The following ANAPC10 variants were observed in gnomAD, a reference collection of about 807,000 sequenced individuals.
The protein encoded by ANAPC10 is anaphase-promoting complex subunit 10.
A neutral mutation model predicts 22.0 loss-of-function variants in ANAPC10; 12 were observed. The ratio of observed to expected loss-of-function variants is 0.55; its 90% CI spans 0.35 to 0.88. ANAPC10 has a LOEUF of 0.88. ANAPC10 is among the 40% of genes least tolerant of loss of function. The pLI is 0.01. For synonymous variants in ANAPC10, 65 were observed against 69.5 expected (o/e 0.94, Z 0.32); for missense variants, 188 against 220.9 (o/e 0.85, Z 0.94).
intron 4 of ANAPC10, among the ~76,000 whole-genome samples, chr4:145,054,004 G>C (rs908472545): frequency 6.6e-6 from 1 of 151,584 alleles, no homozygotes; most frequent in Non-Finnish European, 1.5e-5. Context: ...TGCCTCCCAG[G>C]TTCAAGCGAT....
intron 4 of ANAPC10, among the ~76,000 whole-genome samples, chr4:145,014,761 A>C (rs1734847532): frequency 6.6e-6 from 1 of 152,070 alleles, no homozygotes; most frequent in South Asian, 2.1e-4. Flanking sequence ...ACATCACAGG[A>C]CTCTGTGCAG....
intron 4 of ANAPC10, among the ~76,000 whole-genome samples, chr4:145,051,897 C>CT (rs1243866932): frequency 6.6e-6 from 1 of 152,062 alleles, no homozygotes; most frequent in African/African-American, 2.4e-5. Context: ...CGCAGAGTAC[C>CT]TTTTAGTCAA....
intron 3 of ANAPC10, among the ~76,000 whole-genome samples, chr4:145,072,511 G>T (rs34136811): frequency 6.6e-6 from 1 of 152,026 alleles, no homozygotes; most frequent in Non-Finnish European, 1.5e-5. Flanking sequence ...ATAATTTTTT[G>T]AATACAGGAA....
chr4:145,088,717 A>G (rs2126636670), intron 2 of ANAPC10, among the ~76,000 whole-genome samples: 1 of 152,320 alleles, frequency 6.6e-6, no homozygotes, highest in East Asian at 1.9e-4. Flanking sequence ...CATTATCCAC[A>G]GTGGACACAG....
intron 4 of ANAPC10, among the ~76,000 whole-genome samples, chr4:145,043,817 CTAAAA>C (rs1198203041): frequency 6.6e-6 from 1 of 152,026 alleles, no homozygotes; most frequent in Non-Finnish European, 1.5e-5. Flanking sequence ...TCCATATTAC[CTAAAA>C]TGTTTCCAGA....
chr4:145,073,404 G>A (rs914235157), intron 3 of ANAPC10, among the ~76,000 whole-genome samples: 1 of 152,118 alleles, frequency 6.6e-6, no homozygotes, highest in Non-Finnish European at 1.5e-5. Flanking sequence ...AATCCAAAGA[G>A]ATGATTAAGC....
chr4:145,079,248 T>C (rs1388486956), intron 3 of ANAPC10, among the ~76,000 whole-genome samples: 2 of 152,056 alleles, frequency 1.3e-5, no homozygotes, highest in Non-Finnish European at 2.9e-5. Context: ...AAAGTAGACA[T>C]ACAGCCAACA....
chr4:145,040,100 A>G (rs1739274060), intron 4 of ANAPC10, among the ~76,000 whole-genome samples: 1 of 148,796 alleles, frequency 6.7e-6, no homozygotes, highest in Non-Finnish European at 1.5e-5. Context: ...AAAGCAAACT[A>G]TTGTATGCTT....
intron 3 of ANAPC10, among the ~76,000 whole-genome samples, chr4:145,067,589 A>T (rs1351017932): frequency 6.6e-6 from 1 of 152,194 alleles, no homozygotes; most frequent in Non-Finnish European, 1.5e-5. Context: ...AAGGTTCAAT[A>T]TTAGGAAACA....
chr4:145,002,570 C>T (rs891429291), intron 4 of ANAPC10, among the ~76,000 whole-genome samples: 18 of 151,998 alleles, frequency 1.2e-4, no homozygotes, highest in East Asian at 7.7e-4. Flanking sequence ...TTAAAAAAGA[C>T]GCATAACAAA....
intron 4 of ANAPC10, among the ~76,000 whole-genome samples, chr4:145,042,204 G>A (rs1579010145): frequency 6.6e-6 from 1 of 152,172 alleles, no homozygotes; most frequent in Middle Eastern, 3.4e-3. Context: ...AGTAGCATAA[G>A]AGTAAAAATA....
At position 145,085,642 on chromosome 4, in the gene ANAPC10, A is replaced by G. The variant is rs1282453230; in HGVS notation, c.116-3892T>C. 3.3e-5 allele frequency among the ~76,000 whole-genome samples: 5 copies of G among 152,286 alleles called. No homozygotes were observed. The East Asian group carries it at 9.6e-4, about 29-fold the overall frequency. On this transcript the variant is annotated intron_variant, in intron 2 of 4. Transcript: ENST00000507656. ...ACTGATCATTTAAAATTTGTCTCTAATTTATTGCTTAGAAAGTATCATAGT... is the reference window on the plus strand; with the variant it reads ...ACTGATCATTTAAAATTTGTCTCTAGTTTATTGCTTAGAAAGTATCATAGT...
intron 4 of ANAPC10, among the ~76,000 whole-genome samples, chr4:145,050,101 C>T (rs1740876991): frequency 6.6e-6 from 1 of 152,206 alleles, no homozygotes; most frequent in Non-Finnish European, 1.5e-5. Flanking sequence ...TCCATCAGAT[C>T]ATTTGCCACT....
intron 3 of ANAPC10, among the ~76,000 whole-genome samples, chr4:145,065,648 TAGAGAATTGGTTAAATAAATTACAA>T (rs1228499031): frequency 6.6e-6 from 1 of 151,916 alleles, no homozygotes; most frequent in African/African-American, 2.4e-5. Flanking sequence ...TCCATGACAA[TAGAGAATTGGTTAAATAAATTACAA>T]TATAGCCATT....
chr4:145,094,533 G>T (rs948289321), intron 2 of ANAPC10, among the ~76,000 whole-genome samples: 3 of 152,210 alleles, frequency 2.0e-5, no homozygotes, highest in Admixed American at 6.5e-5. Context: ...ATCTTGAGGG[G>T]AAACAGAAGA....
At chr4:145,012,467 C>T (rs990332218) in intron 4 of ANAPC10, among the ~76,000 whole-genome samples, 3 of 151,864 alleles carry the variant, frequency 2.0e-5, no homozygotes, top group African/African-American at 4.8e-5. Flanking sequence ...AATTAGAATA[C>T]ACTTTTAATA....
At chr4:145,019,104 C>T (rs868833966) in intron 4 of ANAPC10, among the ~76,000 whole-genome samples, 1 of 152,268 alleles carries the variant, frequency 6.6e-6, no homozygotes, top group Middle Eastern at 3.4e-3. Flanking sequence ...ATGGACTTAA[C>T]AGCTATATAC....
intron 4 of ANAPC10, among the ~76,000 whole-genome samples, chr4:145,020,640 T>C (rs563579619): frequency 2.0e-5 from 3 of 152,250 alleles, no homozygotes; most frequent in Admixed American, 6.5e-5. Context: ...GAAGTCAAAC[T>C]GTCACTGTTT....
At chr4:145,043,430 A>T (rs1339711619) in intron 4 of ANAPC10, among the ~76,000 whole-genome samples, 1 of 152,096 alleles carries the variant, frequency 6.6e-6, no homozygotes, top group African/African-American at 2.4e-5. Flanking sequence ...ACAATGGGAA[A>T]ATTTTCCGAA....
Sources: gnomAD v4.1 joint callset for allele counts (sites outside exome capture counted in the v4.1 genomes callset) on GRCh38, gnomAD v4.1.1 for gene constraint, MANE v1.5 for transcripts, NCBI Gene and HGNC (gene_info 2026-07-23, HGNC 2026-07-21) for gene names.